The following MTUS2 variants were observed in gnomAD, a reference collection of about 807,000 sequenced individuals.
MTUS2 encodes the protein microtubule-associated tumor suppressor candidate 2.
In MTUS2, 40 loss-of-function variants were observed where a neutral mutation model predicts 114.1. The observed-to-expected ratio is 0.35, with a 90% CI of 0.27 to 0.46. MTUS2 has a LOEUF of 0.46. MTUS2 is among the 20% of genes least tolerant of loss of function. MTUS2 has a pLI of 1.00. For missense variants in MTUS2, 1,679 were observed against 1,705.4 expected, an observed-to-expected ratio of 0.98 and a Z score of 0.27; for synonymous variants, 688 against 672.0, an observed-to-expected ratio of 1.02 and a Z score of -0.37.
chr13:29,171,966 G>A lies in MTUS2; in HGVS notation c.2644+70996G>A, dbSNP rs77414424. On this transcript the variant is annotated intron_variant, in intron 5 of 15. Coordinates refer to ENST00000612955, the MANE Select transcript of MTUS2 (RefSeq NM_001033602.4). The stretch of plus-strand genomic sequence containing the variant: ...CTTAGCCATGTAGTCCCATCTAGCC[G>A]CAGGGAAGGCTGGGAAAGGTCCTGT... Among the ~76,000 whole-genome samples, 44 of 152,282 alleles carry A rather than the reference G, an allele frequency of 2.9e-4. No homozygotes were observed. In the South Asian group the frequency reaches 3.9e-3, roughly 14 times the overall value.
At chr13:29,217,391 A>G (rs535682597) in intron 5 of MTUS2, among the ~76,000 whole-genome samples, 1 of 152,378 alleles carries the variant, frequency 6.6e-6, no homozygotes, top group Non-Finnish European at 1.5e-5. Context: ...ACTGCTATAA[A>G]GGTGAGTCAT....
intron 7 of MTUS2, among the ~76,000 whole-genome samples, chr13:29,358,092 C>G (rs1593344496): frequency 6.6e-6 from 1 of 152,236 alleles, no homozygotes; most frequent in East Asian, 1.9e-4. Flanking sequence ...TATGATTGTG[C>G]TGGTCAGTGT....
At chr13:29,422,051 A>T (rs1876146870) in intron 8 of MTUS2, among the ~76,000 whole-genome samples, 1 of 152,240 alleles carries the variant, frequency 6.6e-6, no homozygotes, top group Non-Finnish European at 1.5e-5. Context: ...GCTCTAAGAT[A>T]GAAAAATATG....
At chr13:29,262,522 CAGG>C (rs548448792) in intron 5 of MTUS2, among the ~76,000 whole-genome samples, 20 of 150,892 alleles carry the variant, frequency 1.3e-4, no homozygotes, top group Non-Finnish European at 2.5e-4. Flanking sequence ...GGATAAACAG[CAGG>C]AGAACTTTTT....
intron 2 of MTUS2, among the ~76,000 whole-genome samples, chr13:28,883,974 T>G (rs867947989): frequency 3.3e-5 from 5 of 152,160 alleles, no homozygotes; most frequent in Middle Eastern, 3.4e-3. Context: ...CTATGGAAAA[T>G]AGTATGATGT....
At chr13:29,139,777 T>G (rs1414959515) in intron 5 of MTUS2, among the ~76,000 whole-genome samples, 2 of 152,200 alleles carry the variant, frequency 1.3e-5, no homozygotes, top group African/African-American at 4.8e-5. Context: ...CACTCATCCT[T>G]TTGTGCCATG....
chr13:29,339,454 G>A lies in MTUS2; in HGVS notation c.2905+14743G>A, dbSNP rs142777152. The A allele has an allele frequency of 6.0e-3, 914 of 153,230 alleles. 3 individuals are homozygous for A. Among genetic ancestry groups the A allele is most frequent in the Non-Finnish European group, 9.6e-3 (662 of 68,786 alleles). The allele number at this position is 153,230 out of a possible 1,614,324, so 9.5% of individuals were successfully genotyped here. On this transcript the variant is annotated intron_variant, in intron 7 of 15. Transcript: ENST00000612955. Reference sequence around the variant, plus strand: ...CATCGAATTTCCTTTTTCCCTTGCTGTGCTGGCTGAGGGCCTACAGCATGG... The same window carrying A: ...CATCGAATTTCCTTTTTCCCTTGCTATGCTGGCTGAGGGCCTACAGCATGG...
rs895228813 is a variant in MTUS2 at position 29,460,436 on chromosome 13, G to T, written c.3185-19714G>T. 2.6e-5 allele frequency among the ~76,000 whole-genome samples: 4 copies of T among 152,034 alleles called. 1 individual carries two copies. In the South Asian group the frequency reaches 8.3e-4, roughly 32 times the overall value. On this transcript the variant is annotated intron_variant, in intron 9 of 15. Transcript: ENST00000612955. ...CCTAAAGCGCAGGCATCAGCAACTT[G>T]TTCTTGTTTTTCAGCTCTCTCCTCC... is the stretch of plus-strand genomic sequence containing the variant.
chr13:28,846,046 T>TAAA (rs34933871), intron 2 of MTUS2, among the ~76,000 whole-genome samples: 13 of 120,020 alleles, frequency 1.1e-4, no homozygotes, highest in African/African-American at 2.9e-4. Context: ...GTCTTTTTCT[T>TAAA]AAAAAAAAAA....
chr13:29,417,650 A>G lies in MTUS2; in HGVS notation c.3118-22333A>G, dbSNP rs1875764795. 5.3e-5 allele frequency among the ~76,000 whole-genome samples: 8 copies of G among 152,056 alleles called. No individual in the cohort carries two copies. In the South Asian group the frequency reaches 8.3e-4, roughly 16 times the overall value. On this transcript the variant is annotated intron_variant, in intron 8 of 15. Coordinates refer to ENST00000612955, the MANE Select transcript of MTUS2 (RefSeq NM_001033602.4). ...TCATTTTCTTTCATTGCTTTCCTAA[A>G]TTAATCAACTCTTTATTATATTTTT...
At chr13:29,179,380 G>A (rs1405481152) in intron 5 of MTUS2, among the ~76,000 whole-genome samples, 2 of 152,172 alleles carry the variant, frequency 1.3e-5, no homozygotes, top group African/African-American at 2.4e-5. Context: ...AATATAAAGG[G>A]AGTTAAGATT....
At chr13:28,851,820 A>AGT (rs1555267611) in intron 2 of MTUS2, among the ~76,000 whole-genome samples, 16 of 151,936 alleles carry the variant, frequency 1.1e-4, no homozygotes, top group Non-Finnish European at 1.6e-4. Context: ...AGCAGGACTT[A>AGT]GCGCCCAGCT....
chr13:29,002,476 G>A (rs377747956), intron 2 of MTUS2, among the ~76,000 whole-genome samples: 44 of 152,250 alleles, frequency 2.9e-4, no homozygotes, highest in African/African-American at 9.1e-4. Context: ...TTACAAAGTG[G>A]TTTCAGATGA....
intron 8 of MTUS2, among the ~76,000 whole-genome samples, chr13:29,437,837 A>C (rs1877526313): frequency 6.6e-6 from 1 of 152,030 alleles, no homozygotes. Flanking sequence ...AGTCCCTGCT[A>C]CTTGGGAGGC....
At chr13:29,207,664 G>A (rs992785454) in intron 5 of MTUS2, among the ~76,000 whole-genome samples, 3 of 152,086 alleles carry the variant, frequency 2.0e-5, no homozygotes, top group African/African-American at 7.2e-5. Context: ...TGCTTTTTCT[G>A]TGTCTATTGA....
chr13:28,822,739 C>G (rs1168306702), intron 1 of MTUS2, among the ~76,000 whole-genome samples: 2 of 152,080 alleles, frequency 1.3e-5, no homozygotes, highest in Admixed American at 6.5e-5. Context: ...TTCCCACCCC[C>G]CAATTATATA....
intron 12 of MTUS2, among the ~76,000 whole-genome samples, chr13:29,494,180 C>A (rs974024788): frequency 6.6e-6 from 1 of 152,168 alleles, no homozygotes. Flanking sequence ...AGGGAAATAA[C>A]GTGTGAAAAG....
chr13:29,415,542 A>G (rs1336527440), intron 8 of MTUS2, among the ~76,000 whole-genome samples: 1 of 151,822 alleles, frequency 6.6e-6, no homozygotes, highest in Non-Finnish European at 1.5e-5. Context: ...TGTTGTTTCC[A>G]TTTTCCTGGA....
At chr13:29,352,326 C>G (rs960375241) in intron 7 of MTUS2, among the ~76,000 whole-genome samples, 1 of 152,170 alleles carries the variant, frequency 6.6e-6, no homozygotes, top group African/African-American at 2.4e-5. Flanking sequence ...TTCCGTAGCT[C>G]CAGCCTTCCT....
Sources: gnomAD v4.1 joint callset for allele counts (sites outside exome capture counted in the v4.1 genomes callset) on GRCh38, gnomAD v4.1.1 for gene constraint, MANE v1.5 for transcripts, NCBI Gene and HGNC (gene_info 2026-07-23, HGNC 2026-07-21) for gene names.